The following DBNDD1 variants were observed in gnomAD, a reference collection of about 807,000 sequenced individuals.
The protein encoded by DBNDD1 is dysbindin domain-containing protein 1.
A neutral mutation model predicts 17.0 loss-of-function variants in DBNDD1; 14 were observed. The ratio of observed to expected loss-of-function variants is 0.82; its 90% CI spans 0.54 to 1.29. DBNDD1 has a LOEUF of 1.29. Ranked by LOEUF, DBNDD1 falls within the 50% of genes most tolerant of loss-of-function variation. The pLI is 0.00. For missense variants in DBNDD1, 221 were observed against 216.2 expected (o/e 1.02, Z -0.14); for synonymous variants, 105 against 102.0 (o/e 1.03, Z -0.18).
chr16:90,011,646 C>T (rs539840200), intron 1 of DBNDD1: 10 of 454,874 alleles, frequency 2.2e-5, no homozygotes, highest in Non-Finnish European at 4.0e-5. Flanking sequence ...GGGGGTTGGG[C>T]GGGCTGGACG....
chr16:90,006,449 G>GGAA lies in DBNDD1; in HGVS notation c.360_362dup (p.Ser121dup). ...TCTGCTCAGCCCTTGTCCTCGTCCA[G>GGAA]GAAGGGGAGCGCAGGTAGCCGGCCC... On this transcript the variant is annotated inframe_insertion, in exon 4 of 4. Transcript: ENST00000002501. 6.2e-7 allele frequency: 1 copy of GGAA among 1,601,450 alleles called. No individual in the cohort carries two copies. Among genetic ancestry groups the GGAA allele is most frequent in the Non-Finnish European group, 8.5e-7 (1 of 1,179,802 alleles).
chr16:90,006,273 GC>G lies in DBNDD1; in HGVS notation c.*61del. On this transcript the variant is annotated 3_prime_UTR_variant, in exon 4 of 4. Coordinates refer to ENST00000002501, the MANE Select transcript of DBNDD1 (RefSeq NM_001042610.3). ...GAAGTGTGTCTGCTGGGTCAGCACT[GC>G]CCAGATCTGCCATCGTGTTCGGACC... 6.5e-7 allele frequency: 1 copy of G among 1,537,264 alleles called. No individual in the cohort carries two copies. Among genetic ancestry groups the G allele is most frequent in the Non-Finnish European group, 8.8e-7 (1 of 1,139,030 alleles).
At position 90,009,135 on chromosome 16, in the gene DBNDD1, A is replaced by C. The variant is rs1229172261; in HGVS notation, c.178+149T>G. ...TTGACAGATGGTGCAGCTGAGGCTC[A>C]GAGAACCAGAGCTGCAAGAGCCTAG... On this transcript the variant is annotated intron_variant, in intron 2 of 3. Coordinates refer to ENST00000002501, the MANE Select transcript of DBNDD1 (RefSeq NM_001042610.3). The C allele has an allele frequency of 2.3e-6, 3 of 1,285,788 alleles. No individual in the cohort carries two copies. The African/African-American group carries it at 4.5e-5, about 19-fold the overall frequency. The allele number at this position is 1,285,788 out of a possible 1,614,324, so 79.6% of individuals were successfully genotyped here.
chr16:90,008,756 C>T (rs753427575), intron 3 of DBNDD1, 28 bp downstream of exon 3: 7 of 1,581,146 alleles, frequency 4.4e-6, no homozygotes, highest in South Asian at 1.1e-5. Flanking sequence ...AGGCACACCT[C>T]CCAGCCCAGC....
intron 3 of DBNDD1, among the ~76,000 whole-genome samples, chr16:90,008,097 A>C (rs12149683): frequency 0.029 from 168 of 5,848 alleles, no homozygotes; most frequent in African/African-American, 0.054. Flanking sequence ...AGCCCACCAC[A>C]CACACCTCCC....
rs1399647672 is a variant in DBNDD1, at chr16:90,009,215, T to A, written c.178+69A>T. ...GAGTGTTTGGACAGGAGGTGGACCC[T>A]GCTGCCTTGTCTCTTGGGGGAGCTC... On this transcript the variant is annotated intron_variant, in intron 2 of 3. Coordinates refer to ENST00000002501, the MANE Select transcript of DBNDD1 (RefSeq NM_001042610.3). 3.1e-6 allele frequency: 5 copies of A among 1,593,798 alleles called. No homozygotes were observed. The Admixed American group carries it at 8.8e-5, about 28-fold the overall frequency.
At chr16:90,015,478 G>A (rs770812239) in intron 1 of DBNDD1, among the ~76,000 whole-genome samples, 2 of 152,220 alleles carry the variant, frequency 1.3e-5, no homozygotes, top group Non-Finnish European at 2.9e-5. Flanking sequence ...TTTTTGGGGA[G>A]TGAAAAGTTC....
rs1567833423 is a variant in DBNDD1 at position 90,009,442 on chromosome 16, G to T, written c.32-12C>A. 6.2e-7 allele frequency: 1 copy of T among 1,608,900 alleles called. No individual in the cohort carries two copies. The highest frequency in any genetic ancestry group is 2.2e-5 in the East Asian group (1 of 44,882). Reference sequence around the variant, plus strand: ...CTCCTTAACGATCTCTGCATCCAAAGACACAGTGTCACCTTGAGATCCACA... The same window carrying T: ...CTCCTTAACGATCTCTGCATCCAAATACACAGTGTCACCTTGAGATCCACA... On this transcript the variant is annotated splice_polypyrimidine_tract_variant and intron_variant, in intron 1 of 3. Coordinates refer to ENST00000002501, the MANE Select transcript of DBNDD1 (RefSeq NM_001042610.3).
At chr16:90,014,167 A>G (rs1437752484) in intron 1 of DBNDD1, among the ~76,000 whole-genome samples, 6 of 151,188 alleles carry the variant, frequency 4.0e-5, no homozygotes, top group African/African-American at 1.2e-4. Context: ...TCGCTCTGTC[A>G]CCAGGCTGGA....
At chr16:90,010,128 C>T in intron 1 of DBNDD1, 1 of 1,378,540 alleles carries the variant, frequency 7.3e-7, no homozygotes, top group Admixed American at 1.8e-5. Flanking sequence ...TCACTGCAAC[C>T]TCTGCCCCTT....
In DBNDD1 at chr16:90,012,204, C is replaced by A. The variant is rs149452907; in HGVS notation, c.32-2774G>T. On this transcript the variant is annotated intron_variant, in intron 1 of 3. Coordinates refer to ENST00000002501, the MANE Select transcript of DBNDD1 (RefSeq NM_001042610.3). ...AGCAGGCGCTGTCCCTCTGGCATGG[C>A]TGACCCAGAGCCCTGAGAGCAGGTA... Among the ~76,000 whole-genome samples, 1,016 of 152,358 alleles carry A rather than the reference C, an allele frequency of 6.7e-3. 7 individuals carry two copies. The highest frequency in any genetic ancestry group is 0.016 in the Admixed American group (239 of 15,312).
At position 90,009,431 on chromosome 16, in the gene DBNDD1, C is replaced by G; in HGVS notation, c.32-1G>C. On this transcript the variant is annotated splice_acceptor_variant, in intron 1 of 3. Coordinates refer to ENST00000002501, the MANE Select transcript of DBNDD1 (RefSeq NM_001042610.3). LOFTEE classifies it high-confidence loss of function. ...GGCACCTCAGCCTCCTTAACGATCT[C>G]TGCATCCAAAGACACAGTGTCACCT... 1 of 1,610,430 alleles carries G rather than the reference C, an allele frequency of 6.2e-7. No individual in the cohort carries two copies. Among genetic ancestry groups the G allele is most frequent in the Non-Finnish European group, 8.5e-7 (1 of 1,179,990 alleles).
At position 90,019,347 on chromosome 16, in the gene DBNDD1, C is replaced by T; in HGVS notation, c.-6G>A. ...GCGCCCTCCGGGGGCTCCATGCGGC[C>T]GGTGCGGTCTGGGAGGGGCACGGGC... On this transcript the variant is annotated 5_prime_UTR_variant, in exon 1 of 4. Transcript: ENST00000002501. This position sits in a 1 kb window ranked among gnomAD's most constrained non-coding sequence, Gnocchi z 6.1. 2 of 1,184,774 alleles carry T rather than the reference C, an allele frequency of 1.7e-6. No individual in the cohort carries two copies. Among genetic ancestry groups the T allele is most frequent in the Non-Finnish European group, 2.1e-6 (2 of 957,138 alleles). 73.4% of individuals were successfully genotyped at this position (1,184,774 alleles called of 1,614,324 possible). A position where few individuals can be genotyped will look rare whatever the true frequency, so the allele number is the denominator to read the frequency against.
chr16:90,017,931 T>C (rs543718943), intron 1 of DBNDD1, among the ~76,000 whole-genome samples: 3 of 152,342 alleles, frequency 2.0e-5, no homozygotes, highest in South Asian at 4.1e-4. Context: ...CCCCAGCCAG[T>C]GACTGATGGG....
chr16:90,009,558 T>G, intron 1 of DBNDD1, 128 bp from the exon 2 acceptor site: 1 of 1,396,808 alleles, frequency 7.2e-7, no homozygotes, highest in Non-Finnish European at 9.8e-7. Flanking sequence ...CAGCAGGTGA[T>G]GGGATGGCTG....
chr16:90,018,417 C>G (rs894500373), intron 1 of DBNDD1, among the ~76,000 whole-genome samples: 9 of 152,210 alleles, frequency 5.9e-5, no homozygotes, highest in Admixed American at 4.6e-4. Flanking sequence ...GGCTGGGGGA[C>G]TGAGAGGTTC....
intron 1 of DBNDD1, chr16:90,010,202 C>G (rs573071406): frequency 2.3e-5 from 14 of 619,798 alleles, no homozygotes; most frequent in Middle Eastern, 4.3e-4. Context: ...TGCACCAGCA[C>G]GCCCGGCTAA....
chr16:90,014,390 G>T (rs1249744864), intron 1 of DBNDD1, among the ~76,000 whole-genome samples: 1 of 152,068 alleles, frequency 6.6e-6, no homozygotes, highest in Non-Finnish European at 1.5e-5. Context: ...CTCCCAAAGT[G>T]CTGGGATTAT....
At chr16:90,014,751 T>C (rs1413489710) in intron 1 of DBNDD1, among the ~76,000 whole-genome samples, 1 of 152,012 alleles carries the variant, frequency 6.6e-6, no homozygotes, top group East Asian at 1.9e-4. Flanking sequence ...ACGCCTGTAA[T>C]CCCAGCACTT....
Sources: allele counts gnomAD v4.1 joint callset (sites outside exome capture counted in the v4.1 genomes callset), GRCh38; gene constraint gnomAD v4.1.1; non-coding constraint Gnocchi (gnomAD v3.1); transcripts MANE v1.5; gene names NCBI Gene and HGNC (gene_info 2026-07-23, HGNC 2026-07-21).